The following HLCS variants were observed in gnomAD, a reference collection of about 807,000 sequenced individuals.
HLCS encodes the protein biotin--protein ligase.
In HLCS, 53 loss-of-function variants were observed where a neutral mutation model predicts 75.0. That is an observed-to-expected ratio of 0.71 (90% CI 0.57 to 0.89). The LOEUF (loss-of-function observed/expected upper bound fraction) is 0.89. Among genes scored for constraint, HLCS ranks in the 40% least tolerant of loss-of-function variants. The pLI is 0.00. For missense variants in HLCS, 966 were observed against 1,074.0 expected (o/e 0.90, Z 1.41); for synonymous variants, 431 against 428.6 (o/e 1.01, Z -0.07).
At chr21:36,778,759 T>C (rs1401879616) in intron 6 of HLCS, among the ~76,000 whole-genome samples, 2 of 152,200 alleles carry the variant, frequency 1.3e-5, no homozygotes, top group Non-Finnish European at 2.9e-5. Flanking sequence ...TTCAGTAGAT[T>C]GTATGCCTTC....
At chr21:36,928,224 C>T (rs559880846) in intron 5 of HLCS, among the ~76,000 whole-genome samples, 1 of 152,252 alleles carries the variant, frequency 6.6e-6, no homozygotes, top group East Asian at 1.9e-4. Context: ...CATATAAAAC[C>T]TTGACTTCTG....
intron 6 of HLCS, among the ~76,000 whole-genome samples, chr21:36,776,771 G>A (rs2060372403): frequency 6.6e-6 from 1 of 152,228 alleles, no homozygotes; most frequent in Non-Finnish European, 1.5e-5. Context: ...AGGTCAGAGA[G>A]TAAATACTGT....
At chr21:36,944,774 C>A (rs1166761921) in intron 2 of HLCS, among the ~76,000 whole-genome samples, 2 of 152,114 alleles carry the variant, frequency 1.3e-5, no homozygotes, top group Non-Finnish European at 2.9e-5. Flanking sequence ...TGGCTCTCCC[C>A]AAGACGTTCT....
chr21:36,959,490 G>A (rs1487382596), intron 2 of HLCS, among the ~76,000 whole-genome samples: 1 of 152,198 alleles, frequency 6.6e-6, no homozygotes, highest in Non-Finnish European at 1.5e-5. Context: ...GGTAGAAAGG[G>A]GCGGGTCCCT....
At chr21:36,875,218 T>C (rs2063921779) in intron 6 of HLCS, among the ~76,000 whole-genome samples, 1 of 152,122 alleles carries the variant, frequency 6.6e-6, no homozygotes, top group African/African-American at 2.4e-5. Flanking sequence ...AAGAAGCCAG[T>C]TCCTGGTGAA....
At chr21:36,819,742 A>G (rs1025812459) in intron 6 of HLCS, among the ~76,000 whole-genome samples, 4 of 152,162 alleles carry the variant, frequency 2.6e-5, no homozygotes, top group Admixed American at 2.6e-4. Flanking sequence ...AGCAGCCACC[A>G]CTGAGAGGAT....
At chr21:36,866,254 A>G (rs1229784705) in intron 6 of HLCS, among the ~76,000 whole-genome samples, 1 of 152,234 alleles carries the variant, frequency 6.6e-6, no homozygotes, top group Admixed American at 6.5e-5. Context: ...AATTAAACCA[A>G]TAACTTGAGA....
intron 6 of HLCS, among the ~76,000 whole-genome samples, chr21:36,820,518 C>A (rs894233709): frequency 1.3e-5 from 2 of 152,248 alleles, no homozygotes; most frequent in Non-Finnish European, 2.9e-5. Context: ...TGGCCAAGCC[C>A]AGGCACTGTC....
At chr21:36,859,973 T>C (rs2063328047) in intron 6 of HLCS, among the ~76,000 whole-genome samples, 2 of 152,232 alleles carry the variant, frequency 1.3e-5, no homozygotes, top group African/African-American at 4.8e-5. Flanking sequence ...AAATTGTTCC[T>C]TGCAGGTCGC....
At chr21:36,927,592 C>T (rs1601770180) in intron 5 of HLCS, among the ~76,000 whole-genome samples, 1 of 152,150 alleles carries the variant, frequency 6.6e-6, no homozygotes, top group Admixed American at 6.5e-5. Flanking sequence ...ATAATAGTAC[C>T]TAGGACACAG....
intron 2 of HLCS, among the ~76,000 whole-genome samples, chr21:36,957,401 C>T (rs893405772): frequency 6.6e-6 from 1 of 152,188 alleles, no homozygotes; most frequent in East Asian, 1.9e-4. Flanking sequence ...TCCTGTATGG[C>T]TCGCAGAACC....
intron 6 of HLCS, among the ~76,000 whole-genome samples, chr21:36,802,609 GT>G (rs1388948880): frequency 2.6e-5 from 4 of 152,220 alleles, no homozygotes; most frequent in Non-Finnish European, 4.4e-5. Flanking sequence ...AAGCAGATGA[GT>G]GGCACAGCCA....
intron 1 of HLCS, 51 bp downstream of exon 1, chr21:36,966,393 G>C (rs944493976): frequency 3.0e-6 from 2 of 663,382 alleles, no homozygotes; most frequent in South Asian, 6.7e-5. Flanking sequence ...CAGGGACGGG[G>C]GCACTTCCGG....
chr21:36,975,825 A>C (rs28610288), intron 1 of HLCS, among the ~76,000 whole-genome samples: 62,224 of 151,964 alleles, frequency 0.41, 13,466 homozygotes, highest in South Asian at 0.53. Flanking sequence ...GGTCTCCCTC[A>C]TTGGCAGCCA....
At chr21:36,865,056 G>A (rs1055791789) in intron 6 of HLCS, among the ~76,000 whole-genome samples, 1 of 151,566 alleles carries the variant, frequency 6.6e-6, no homozygotes, top group African/African-American at 2.4e-5. Flanking sequence ...TCTCAGACAG[G>A]CTCCATCCAT....
At chr21:36,871,841 C>T (rs1047841070) in intron 6 of HLCS, among the ~76,000 whole-genome samples, 1 of 152,170 alleles carries the variant, frequency 6.6e-6, no homozygotes, top group African/African-American at 2.4e-5. Context: ...CAACATTTCA[C>T]AAATTAAGAA....
chr21:36,832,689 G>A lies in HLCS; in HGVS notation c.1892+64171C>T, dbSNP rs540941012. ...GCAAAGCCTCAGCTCTGACATGGGA[G>A]GCCATTCCCTAACTCTTTGTTCACT... On this transcript the variant is annotated intron_variant, in intron 6 of 10. Transcript: ENST00000674895. Among the ~76,000 whole-genome samples, 322 of 152,256 alleles carry A rather than the reference G, an allele frequency of 2.1e-3. 1 individual carries two copies. Among genetic ancestry groups the A allele is most frequent in the South Asian group, 3.3e-3 (16 of 4,826 alleles).
intron 6 of HLCS, among the ~76,000 whole-genome samples, chr21:36,804,708 C>T (rs1452048683): frequency 1.3e-5 from 2 of 152,118 alleles, no homozygotes; most frequent in Non-Finnish European, 2.9e-5. Flanking sequence ...CTGGCCAGAA[C>T]GTGGGCAAGT....
intron 5 of HLCS, among the ~76,000 whole-genome samples, chr21:36,900,551 G>A (rs1043615099): frequency 2.6e-5 from 4 of 152,158 alleles, no homozygotes; most frequent in Admixed American, 1.3e-4. Flanking sequence ...GAGCAACAGG[G>A]AGCCCCAGAA....
Sources: gnomAD v4.1 joint callset for allele counts (sites outside exome capture counted in the v4.1 genomes callset) on GRCh38, gnomAD v4.1.1 for gene constraint, MANE v1.5 for transcripts, NCBI Gene and HGNC (gene_info 2026-07-23, HGNC 2026-07-21) for gene names.